Variants in GRIK4 observed in about 807,000 individuals in gnomAD.
GRIK4 encodes glutamate receptor ionotropic, kainate 4.
In GRIK4, 40 loss-of-function variants were observed where a neutral mutation model predicts 104.9. The ratio of observed to expected loss-of-function variants is 0.38; its 90% CI spans 0.30 to 0.50. GRIK4 has a LOEUF of 0.50. Among genes scored for constraint, GRIK4 ranks in the 20% least tolerant of loss-of-function variants. The pLI, the probability that GRIK4 is intolerant of heterozygous loss-of-function variation, is 0.93. For missense variants in GRIK4, 1,047 were observed against 1,308.1 expected, an observed-to-expected ratio of 0.80 and a Z score of 3.08; for synonymous variants, 485 against 524.9, an observed-to-expected ratio of 0.92 and a Z score of 1.04.
chr11:120,551,740 C>T (rs1043149895), intron 1 of GRIK4, among the ~76,000 whole-genome samples: 11 of 152,004 alleles, frequency 7.2e-5, no homozygotes, highest in African/African-American at 2.2e-4. Flanking sequence ...GAGATCACAC[C>T]GTTGCACTCC....
chr11:120,904,193 T>C (rs756745010), intron 12 of GRIK4, among the ~76,000 whole-genome samples: 7 of 152,154 alleles, frequency 4.6e-5, no homozygotes, highest in Non-Finnish European at 1.0e-4. Context: ...GGCCCCTGTC[T>C]TACCCTTGCT....
At position 120,802,773 on chromosome 11, in the gene GRIK4, G is replaced by A. The variant is rs372488720; in HGVS notation, c.163G>A (p.Ala55Thr). The change falls in exon 4 of 21, where the codon GCT becomes ACT. Residue 55 changes from alanine (A) to threonine (T), a missense_variant. Physicochemically the swap from Ala to Thr is moderately conservative, Grantham distance 58. This residue lies in a region of GRIK4 where 447 missense variants were observed against 514.9 expected (regional missense o/e 0.87). Coordinates refer to ENST00000527524, the MANE Select transcript of GRIK4 (RefSeq NM_014619.5). Reference sequence around the variant, plus strand: ...CCTGGCCAAGAACCGCATCAACCGCGCTCCTGAGAGGCTGGGCAAGGCCAA... The same window carrying A: ...CCTGGCCAAGAACCGCATCAACCGCACTCCTGAGAGGCTGGGCAAGGCCAA... Reference protein sequence around the residue: ...ITLAKNRINRAPERLGKAKVE... With the variant: ...ITLAKNRINRTPERLGKAKVE... 6.1e-5 allele frequency: 98 copies of A among 1,614,022 alleles called. No homozygotes were observed. Among genetic ancestry groups the A allele is most frequent in the Admixed American group, 8.3e-5 (5 of 60,010 alleles).
intron 3 of GRIK4, among the ~76,000 whole-genome samples, chr11:120,776,282 G>A (rs1294212992): frequency 2.0e-5 from 3 of 152,172 alleles, no homozygotes; most frequent in Non-Finnish European, 4.4e-5. Flanking sequence ...GTGCCAGGTG[G>A]GGAGAGCTGC....
chr11:120,967,262 C>A lies in GRIK4; in HGVS notation c.2334C>A (p.Ile778=), dbSNP rs1381644163. 3.1e-6 allele frequency: 5 copies of A among 1,613,862 alleles called. No homozygotes were observed. Among genetic ancestry groups the A allele is most frequent in the Non-Finnish European group, 4.2e-6 (5 of 1,179,862 alleles). Residue 778 remains isoleucine, a synonymous_variant, in exon 19 of 21, where the codon ATC becomes ATA. Transcript: ENST00000527524. This position sits in a 1 kb window ranked among gnomAD's most constrained non-coding sequence, Gnocchi z 4.2. ...LQLQENNRLE[I]LKRKWWEGGK... is the part of the protein sequence containing the mutation. ...TGCAGGAGAACAACCGCCTGGAGATCCTGAAGCGCAAATGGTGGGAAGGAG... is the reference window on the plus strand; with the variant it reads ...TGCAGGAGAACAACCGCCTGGAGATACTGAAGCGCAAATGGTGGGAAGGAG...
intron 13 of GRIK4, among the ~76,000 whole-genome samples, chr11:120,923,008 G>A (rs937830510): frequency 6.6e-6 from 1 of 152,210 alleles, no homozygotes; most frequent in Non-Finnish European, 1.5e-5. Context: ...TCCCTATCCA[G>A]ATCCAGGAGA....
At chr11:120,618,797 T>C (rs767079693) in intron 1 of GRIK4, among the ~76,000 whole-genome samples, 8 of 152,124 alleles carry the variant, frequency 5.3e-5, no homozygotes, top group Non-Finnish European at 1.2e-4. Flanking sequence ...AGTGCAAGAG[T>C]TGAGGCTTGG....
At chr11:120,669,909 C>T (rs1379821382) in intron 3 of GRIK4, among the ~76,000 whole-genome samples, 1 of 152,244 alleles carries the variant, frequency 6.6e-6, no homozygotes, top group Admixed American at 6.5e-5. Flanking sequence ...TCCAGAACTC[C>T]AGATTCATCC....
intron 19 of GRIK4, among the ~76,000 whole-genome samples, chr11:120,968,475 T>C (rs533349078): frequency 6.6e-6 from 1 of 152,334 alleles, no homozygotes; most frequent in South Asian, 2.1e-4. Context: ...CATGTGCTTG[T>C]CTTTTCTGCT....
intron 2 of GRIK4, among the ~76,000 whole-genome samples, chr11:120,655,098 T>C (rs973493400): frequency 6.6e-6 from 1 of 152,090 alleles, no homozygotes; most frequent in Non-Finnish European, 1.5e-5. Flanking sequence ...TTGGAGCACC[T>C]ACTATGTGCC....
intron 3 of GRIK4, among the ~76,000 whole-genome samples, chr11:120,729,511 G>T (rs1054156660): frequency 2.0e-5 from 3 of 152,202 alleles, no homozygotes; most frequent in Non-Finnish European, 4.4e-5. Flanking sequence ...CTGATCATCA[G>T]TGATGTTGAG....
chr11:120,985,642 A>AG (rs1944729514), intron 20 of GRIK4, among the ~76,000 whole-genome samples: 1 of 94,366 alleles, frequency 1.1e-5, no homozygotes, highest in African/African-American at 4.4e-5. Flanking sequence ...AAAAAAAAAA[A>AG]GTGAGATCAT....
At position 120,960,924 on chromosome 11, in the gene GRIK4, G is replaced by C; in HGVS notation, c.1890G>C (p.Leu630=). The stretch of plus-strand genomic sequence containing the variant: ...TCCTACATAGGTGGGCATTCACGCT[G>C]ATCATCATCTCATCCTACACGGCCA... ...CVSGVWWAFT[L]IIISSYTANL... is the part of the protein sequence containing the mutation. The change falls in exon 17 of 21, where the codon CTG becomes CTC. Residue 630 remains leucine (L), a synonymous_variant. Transcript: ENST00000527524. 6.2e-6 allele frequency: 10 copies of C among 1,613,712 alleles called. No homozygotes were observed. The highest frequency in any genetic ancestry group is 8.5e-6 in the Non-Finnish European group (10 of 1,179,884).
At chr11:120,921,062 T>C (rs1003547191) in intron 13 of GRIK4, among the ~76,000 whole-genome samples, 1 of 152,176 alleles carries the variant, frequency 6.6e-6, no homozygotes, top group Non-Finnish European at 1.5e-5. Context: ...ATTATCTCTG[T>C]CTAAGCCTGG....
chr11:120,525,669 G>A (rs1221697173), intron 1 of GRIK4, among the ~76,000 whole-genome samples: 3 of 152,176 alleles, frequency 2.0e-5, no homozygotes, highest in African/African-American at 4.8e-5. Context: ...GGGCAGAGTG[G>A]GACAAGCTGA....
chr11:120,974,489 C>T (rs1039413348), intron 19 of GRIK4, among the ~76,000 whole-genome samples: 3 of 152,140 alleles, frequency 2.0e-5, no homozygotes, highest in African/African-American at 4.8e-5. Context: ...TACCAGACGA[C>T]GTGCCAGTGC....
At chr11:120,780,773 G>A (rs1227203934) in intron 3 of GRIK4, among the ~76,000 whole-genome samples, 1 of 151,964 alleles carries the variant, frequency 6.6e-6, no homozygotes, top group African/African-American at 2.4e-5. Flanking sequence ...ACAGAGTCTG[G>A]CTCTGTTGAC....
At chr11:120,792,253 CGT>C (rs562124583) in intron 3 of GRIK4, among the ~76,000 whole-genome samples, 5 of 148,946 alleles carry the variant, frequency 3.4e-5, no homozygotes, top group East Asian at 3.9e-4. Context: ...TGTGTGTGTG[CGT>C]GTGTGTGTGT....
chr11:120,971,262 T>C (rs1591347481), intron 19 of GRIK4, among the ~76,000 whole-genome samples: 1 of 152,238 alleles, frequency 6.6e-6, no homozygotes, highest in East Asian at 1.9e-4. Flanking sequence ...CTATAGACAA[T>C]AAGCAACTCA....
intron 8 of GRIK4, among the ~76,000 whole-genome samples, chr11:120,849,192 C>A (rs1186580925): frequency 6.6e-6 from 1 of 152,096 alleles, no homozygotes; most frequent in East Asian, 1.9e-4. Context: ...CATTTCTATG[C>A]CCATGTGCCT....
Sources: allele counts gnomAD v4.1 joint callset (sites outside exome capture counted in the v4.1 genomes callset), GRCh38; gene constraint gnomAD v4.1.1; regional missense constraint gnomAD v4.1.1; non-coding constraint Gnocchi (gnomAD v3.1); transcripts MANE v1.5; gene names NCBI Gene and HGNC (gene_info 2026-07-23, HGNC 2026-07-21).